Variants in DNAJB12 observed in about 807,000 individuals in gnomAD.
The protein encoded by DNAJB12 is DnaJ heat shock protein family (Hsp40) member B12, also known as dnaJ homolog subfamily B member 12.
Under a neutral mutation model 40.6 loss-of-function variants are expected in DNAJB12, and 14 were observed. The observed-to-expected ratio is 0.34, with a 90% CI of 0.23 to 0.54. The LOEUF is 0.54. Among genes scored for constraint, DNAJB12 ranks in the 20% least tolerant of loss-of-function variants. The pLI is 0.92. For synonymous variants in DNAJB12, 181 were observed against 199.5 expected (o/e 0.91, Z 0.78); for missense variants, 444 against 501.7 (o/e 0.89, Z 1.10).
chr10:72,345,013 T>C lies in DNAJB12; in HGVS notation c.248A>G (p.Asn83Ser), dbSNP rs141390372. Reference sequence around the variant, plus strand: ...GGTGCTCTCTCCTCCAGCTTCACCGTTGGCCGAGGGGGCATCGGTCCCACC... The same window carrying C: ...GGTGCTCTCTCCTCCAGCTTCACCGCTGGCCGAGGGGGCATCGGTCCCACC... Reference protein sequence around the residue: ...KAGGTDAPSANGEAGGESTKG... With the variant: ...KAGGTDAPSASGEAGGESTKG... The change falls in exon 2 of 9, where the codon AAC (asparagine) becomes AGC (serine). Residue 83 changes from asparagine to serine, a missense_variant. By Grantham distance (46) the Asn-to-Ser change is conservative. Transcript: ENST00000444643. 45 of 1,614,230 alleles carry C rather than the reference T, an allele frequency of 2.8e-5. No individual in the cohort carries two copies. In the African/African-American group the frequency reaches 3.2e-4, roughly 11 times the overall value.
chr10:72,339,660 C>G (rs1413686801), intron 5 of DNAJB12, among the ~76,000 whole-genome samples: 1 of 151,872 alleles, frequency 6.6e-6, no homozygotes, highest in Admixed American at 6.6e-5. Context: ...GCTAGCTGTT[C>G]TTTGATCTGT....
rs944288472 is a variant in DNAJB12, at chr10:72,333,653, C to T, written c.*995G>A. 4 of 152,750 alleles carry T rather than the reference C, an allele frequency of 2.6e-5. No individual in the cohort carries two copies. Among genetic ancestry groups the T allele is most frequent in the African/African-American group, 9.6e-5 (4 of 41,456 alleles). The allele number at this position is 152,750 out of a possible 1,614,324, so 9.5% of individuals were successfully genotyped here. On this transcript the variant is annotated 3_prime_UTR_variant, in exon 9 of 9. Transcript: ENST00000444643. ...CTATAAGGCAAAGCCCACTGAGGGA[C>T]TTAGGGGTGGGGAAATGGTTAGGTA...
intron 5 of DNAJB12, among the ~76,000 whole-genome samples, chr10:72,340,443 T>C (rs1861601751): frequency 6.6e-6 from 1 of 152,222 alleles, no homozygotes; most frequent in South Asian, 2.1e-4. Flanking sequence ...AAAGTGTAAC[T>C]TTCCATTGCT....
At chr10:72,337,326 A>C (rs1390020118) in intron 6 of DNAJB12, among the ~76,000 whole-genome samples, 7 of 151,952 alleles carry the variant, frequency 4.6e-5, no homozygotes, top group African/African-American at 1.4e-4. Context: ...CAGTGGACCG[A>C]CTCTGCCCCC....
Position 72,337,880 on chromosome 10 carries a change from ATGTGTGCATGTGTATTATG to A in DNAJB12, c.833+303_833+321del, listed in dbSNP as rs1471339563. ...ACTCTGTGTGTATATGTGTGCGTGT[ATGTGTGCATGTGTATTATG>A]TGTGTGCATGTATTGTGTGTGTGTG... On this transcript the variant is annotated intron_variant, in intron 6 of 8. Transcript: ENST00000444643. 5.3e-5 allele frequency among the ~76,000 whole-genome samples: 8 copies of A among 152,012 alleles called. No individual in the cohort carries two copies. In the East Asian group the frequency reaches 1.5e-3, roughly 29 times the overall value.
chr10:72,332,935 A>G lies in DNAJB12; in HGVS notation c.*1713T>C, dbSNP rs1191151338. ...TTTAGGATCTATGTTCTTATTGCACATGGCTCAGCCCGTCTAGGGACATCT... is the reference window on the plus strand; with the variant it reads ...TTTAGGATCTATGTTCTTATTGCACGTGGCTCAGCCCGTCTAGGGACATCT... On this transcript the variant is annotated 3_prime_UTR_variant, in exon 9 of 9. Coordinates refer to ENST00000444643, the MANE Select transcript of DNAJB12 (RefSeq NM_017626.7). 2.6e-5 allele frequency: 4 copies of G among 152,674 alleles called. No homozygotes were observed. Among genetic ancestry groups the G allele is most frequent in the Non-Finnish European group, 5.9e-5 (4 of 68,054 alleles). The allele number at this position is 152,674 out of a possible 1,614,324, so 9.5% of individuals were successfully genotyped here.
intron 1 of DNAJB12, among the ~76,000 whole-genome samples, chr10:72,348,702 T>C (rs1861860684): frequency 6.6e-6 from 1 of 151,958 alleles, no homozygotes; most frequent in African/African-American, 2.4e-5. Flanking sequence ...ACACAGGAGC[T>C]CACAGCTGGG....
Position 72,351,772 on chromosome 10 carries a change from C to T in DNAJB12, c.133+2993G>A, listed in dbSNP as rs551786422. Among the ~76,000 whole-genome samples the T allele has an allele frequency of 1.9e-4, 29 of 152,356 alleles. No homozygotes were observed. The East Asian group carries it at 4.8e-3, about 25-fold the overall frequency. On this transcript the variant is annotated intron_variant, in intron 1 of 8. Coordinates refer to ENST00000444643, the MANE Select transcript of DNAJB12 (RefSeq NM_017626.7). The stretch of plus-strand genomic sequence containing the variant: ...CTCAGCCATGCACAACTCCAGTGAG[C>T]TCCAGGGAACAGACGATACCACACT...
intron 2 of DNAJB12, 55 bp from the exon 3 acceptor site, chr10:72,343,566 G>A (rs1861701502): frequency 6.3e-6 from 10 of 1,596,854 alleles, no homozygotes; most frequent in Non-Finnish European, 7.7e-6. Flanking sequence ...TGTGTGAGGG[G>A]GGCGATGAAC....
In DNAJB12 at chr10:72,338,048, T is replaced by C. The variant is rs377340259; in HGVS notation, c.833+154A>G. ...ATCCTAAAAAGCTTAAGAGTCCTAG[T>C]TGAATAGAGAAAGTATATTTTCTTG... On this transcript the variant is annotated intron_variant, in intron 6 of 8. Coordinates refer to ENST00000444643, the MANE Select transcript of DNAJB12 (RefSeq NM_017626.7). 1.8e-3 allele frequency among the ~76,000 whole-genome samples: 280 copies of C among 152,350 alleles called. 2 individuals are homozygous for C. The highest frequency in any genetic ancestry group is 6.3e-3 in the African/African-American group (264 of 41,584).
intron 1 of DNAJB12, among the ~76,000 whole-genome samples, chr10:72,350,998 G>C (rs895521930): frequency 6.6e-6 from 1 of 152,108 alleles, no homozygotes; most frequent in African/African-American, 2.4e-5. Flanking sequence ...TCCCAGCTTG[G>C]CCTTCATGAC....
In DNAJB12 at chr10:72,336,684, G is replaced by T; in HGVS notation, c.846C>A (p.His282Gln). Residue 282 changes from histidine (H) to glutamine (Q), a missense_variant, in exon 7 of 9, where the codon CAC becomes CAA. His to Gln is a conservative substitution (Grantham distance 24). Transcript: ENST00000444643. ...YSLSPRPSVG[H>Q]IHRRVTDHLG... ...GGTGGTCAGTGACTCGCCTGTGGAT[G>T]TGGCCCACGGACCTGGCCAGAAATA... is the stretch of plus-strand genomic sequence containing the variant. 6.2e-7 allele frequency: 1 copy of T among 1,613,978 alleles called. No homozygotes were observed. Among genetic ancestry groups the T allele is most frequent in the South Asian group, 1.1e-5 (1 of 91,082 alleles).
At chr10:72,336,834 C>T in intron 6 of DNAJB12, 138 bp from the exon 7 acceptor site, 1 of 663,314 alleles carries the variant, frequency 1.5e-6, no homozygotes. Flanking sequence ...CAGGGACCCG[C>T]ACACTCCCTG....
Position 72,347,354 on chromosome 10 carries a change from C to T in DNAJB12, c.134-2227G>A, listed in dbSNP as rs542788869. Among the ~76,000 whole-genome samples, 14 of 152,314 alleles carry T rather than the reference C, an allele frequency of 9.2e-5. No individual in the cohort carries two copies. In the South Asian group the frequency reaches 2.7e-3, roughly 29 times the overall value. ...GGAAAAGTACCCTGCAAAGGGGACC[C>T]CGCTTAGCAGGACCCTCTGTTTCAG... is the stretch of plus-strand genomic sequence containing the variant. On this transcript the variant is annotated intron_variant, in intron 1 of 8. Transcript: ENST00000444643.
chr10:72,354,685 C>T, intron 1 of DNAJB12, 80 bp downstream of exon 1: 3 of 1,355,034 alleles, frequency 2.2e-6, no homozygotes, highest in South Asian at 1.4e-5. Context: ...TCCCCCTCCC[C>T]CAACTGCTCC....
In DNAJB12 at chr10:72,337,954, T is replaced by G. The variant is rs184607492; in HGVS notation, c.833+248A>C. On this transcript the variant is annotated intron_variant, in intron 6 of 8. Coordinates refer to ENST00000444643, the MANE Select transcript of DNAJB12 (RefSeq NM_017626.7). ...TGTGTATCGTGTGTGTGTATGTGTG[T>G]GTGCACATGTGTGCATAGTTTTAGG... is the stretch of plus-strand genomic sequence containing the variant. Among the ~76,000 whole-genome samples the G allele has an allele frequency of 3.6e-3, 550 of 152,348 alleles. 4 individuals are homozygous for G. The highest frequency in any genetic ancestry group is 4.0e-3 in the Non-Finnish European group (275 of 68,034).
rs1424794253 is a variant in DNAJB12, at chr10:72,334,553, C to T, written c.*95G>A. On this transcript the variant is annotated 3_prime_UTR_variant, in exon 9 of 9. Coordinates refer to ENST00000444643, the MANE Select transcript of DNAJB12 (RefSeq NM_017626.7). Reference sequence around the variant, plus strand: ...TTTTGTTTCTTTGTTTGTCTTTCCTCAAATATACAGTCCATCACCTTGGCT... The same window carrying T: ...TTTTGTTTCTTTGTTTGTCTTTCCTTAAATATACAGTCCATCACCTTGGCT... 2.0e-5 allele frequency: 30 copies of T among 1,535,370 alleles called. No individual in the cohort carries two copies. The highest frequency in any genetic ancestry group is 2.4e-5 in the Non-Finnish European group (28 of 1,146,422).
At chr10:72,334,804 C>G (rs866102970) in intron 8 of DNAJB12, 187 bp from the exon 9 acceptor site, 1 of 1,382,956 alleles carries the variant, frequency 7.2e-7, no homozygotes, top group Non-Finnish European at 9.3e-7. Context: ...GGCCTCCAGG[C>G]AGAGTCAGCC....
chr10:72,335,620 C>T lies in DNAJB12; in HGVS notation c.*30+160G>A. On this transcript the variant is annotated intron_variant, in intron 8 of 8. Coordinates refer to ENST00000444643, the MANE Select transcript of DNAJB12 (RefSeq NM_017626.7). The surrounding 1 kb of genome is among the most constrained non-coding windows in gnomAD (Gnocchi z 4.4). Reference sequence around the variant, plus strand: ...AAACCGACCTTGGTTTCCCAGCAGGCCCCACAGCTGCTCGGTCTCTGGAGG... The same window carrying T: ...AAACCGACCTTGGTTTCCCAGCAGGTCCCACAGCTGCTCGGTCTCTGGAGG... The T allele has an allele frequency of 2.1e-6, 3 of 1,410,116 alleles. No homozygotes were observed. Among genetic ancestry groups the T allele is most frequent in the Non-Finnish European group, 2.8e-6 (3 of 1,083,502 alleles). 87.4% of individuals were successfully genotyped at this position (1,410,116 alleles called of 1,614,324 possible).
Sources: allele counts gnomAD v4.1 joint callset (sites outside exome capture counted in the v4.1 genomes callset), GRCh38; gene constraint gnomAD v4.1.1; non-coding constraint Gnocchi (gnomAD v3.1); transcripts MANE v1.5; gene names NCBI Gene and HGNC (gene_info 2026-07-23, HGNC 2026-07-21).